The following DAB1 variants were observed in gnomAD, a reference collection of about 807,000 sequenced individuals.
DAB1 encodes the protein disabled homolog 1.
A neutral mutation model predicts 64.6 loss-of-function variants in DAB1; 15 were observed. That is an observed-to-expected ratio of 0.23 (90% CI 0.16 to 0.36). DAB1 has a LOEUF of 0.36. Ranked by LOEUF, DAB1 falls within the 10% of genes least tolerant of loss-of-function variation. DAB1 has a pLI of 1.00. For synonymous variants in DAB1, 235 were observed against 251.9 expected (o/e 0.93, Z 0.64); for missense variants, 596 against 706.7 (o/e 0.84, Z 1.78).
chr1:58,203,955 C>T (rs1232078180), intron 4 of DAB1, among the ~76,000 whole-genome samples: 2 of 152,182 alleles, frequency 1.3e-5, no homozygotes, highest in Non-Finnish European at 2.9e-5. Flanking sequence ...AGCATGCATA[C>T]AGAAGGCATT....
chr1:57,672,552 G>A (rs1023296891), intron 6 of DAB1, among the ~76,000 whole-genome samples: 6 of 152,178 alleles, frequency 3.9e-5, no homozygotes, highest in South Asian at 4.1e-4. Flanking sequence ...AGCTCATTCC[G>A]CATCAATGAA....
intron 2 of DAB1, among the ~76,000 whole-genome samples, chr1:57,279,906 A>C (rs1256735878): frequency 6.6e-6 from 1 of 152,178 alleles, no homozygotes; most frequent in Non-Finnish European, 1.5e-5. Flanking sequence ...ATATTTTATC[A>C]TCATTCCCTC....
At chr1:57,851,728 A>G (rs72666118) in intron 1 of DAB1, among the ~76,000 whole-genome samples, 10,860 of 152,208 alleles carry the variant, frequency 0.071, 622 homozygotes, top group Admixed American at 0.2. Context: ...ATGTTCTCCC[A>G]GTGCTGGTGG....
At chr1:57,241,413 C>G (rs72903213) in intron 2 of DAB1, among the ~76,000 whole-genome samples, 2,471 of 152,238 alleles carry the variant, frequency 0.016, 57 homozygotes, top group African/African-American at 0.055. Flanking sequence ...GTATAAAACA[C>G]CCAGGTTTCA....
chr1:57,556,230 T>C (rs534577972), intron 7 of DAB1, among the ~76,000 whole-genome samples: 1 of 152,332 alleles, frequency 6.6e-6, no homozygotes, highest in African/African-American at 2.4e-5. Context: ...ATTGTGCTGC[T>C]GTAAACATGT....
intron 3 of DAB1, among the ~76,000 whole-genome samples, chr1:58,493,869 T>A (rs1383245427): frequency 1.3e-5 from 2 of 151,454 alleles, no homozygotes; most frequent in Non-Finnish European, 1.5e-5. Flanking sequence ...TTCAATGCCA[T>A]CCCCATCAAG....
At chr1:57,684,924 CAAA>C (rs955080447) in intron 6 of DAB1, among the ~76,000 whole-genome samples, 5 of 150,216 alleles carry the variant, frequency 3.3e-5, no homozygotes, top group African/African-American at 1.2e-4. Flanking sequence ...AAATGGAAAA[CAAA>C]AAAACAGCAG....
At chr1:58,101,837 G>A (rs1162490607) in intron 5 of DAB1, among the ~76,000 whole-genome samples, 1 of 152,136 alleles carries the variant, frequency 6.6e-6, no homozygotes, top group Non-Finnish European at 1.5e-5. Context: ...GGGAGTTGAA[G>A]GCCTAAGGTC....
At position 57,779,841 on chromosome 1, in the gene DAB1, T is replaced by C. The variant is rs186624548; in HGVS notation, n.551+104158A>G. 1.6e-3 allele frequency among the ~76,000 whole-genome samples: 236 copies of C among 152,240 alleles called. 2 individuals carry two copies. The highest frequency in any genetic ancestry group is 1.9e-3 in the Non-Finnish European group (131 of 68,008). On this transcript the variant is annotated intron_variant and non_coding_transcript_variant, in intron 6 of 20. Coordinates refer to the DAB1 transcript ENST00000485760. ...CCCACAGACAGTTCCCCCATCACAC[T>C]TTACCTCTCCAGTTTTTCCATGGAT... is the stretch of plus-strand genomic sequence containing the variant.
chr1:57,536,576 C>T (rs1420868107), intron 7 of DAB1, among the ~76,000 whole-genome samples: 1 of 150,384 alleles, frequency 6.6e-6, no homozygotes, highest in Non-Finnish European at 1.5e-5. Context: ...ACCAATAAAC[C>T]TAATACACGT....
At chr1:57,142,987 T>C (rs1343737981) in intron 3 of DAB1, among the ~76,000 whole-genome samples, 1 of 152,222 alleles carries the variant, frequency 6.6e-6, no homozygotes, top group Admixed American at 6.5e-5. Flanking sequence ...ATCAAGATCT[T>C]GGCCCTTATC....
intron 5 of DAB1, among the ~76,000 whole-genome samples, chr1:57,993,572 G>A (rs1445176496): frequency 6.6e-6 from 1 of 152,140 alleles, no homozygotes; most frequent in African/African-American, 2.4e-5. Context: ...TCAGTACACT[G>A]GTACCCGCTG....
intron 3 of DAB1, among the ~76,000 whole-genome samples, chr1:58,474,401 GA>G (rs530342684): frequency 5.0e-4 from 72 of 144,140 alleles, no homozygotes; most frequent in South Asian, 1.3e-3. Context: ...TAAAAGTAAT[GA>G]AAAAAAAAAA....
At chr1:58,119,687 A>C (rs1355504604) in intron 5 of DAB1, among the ~76,000 whole-genome samples, 1 of 152,178 alleles carries the variant, frequency 6.6e-6, no homozygotes, top group African/African-American at 2.4e-5. Context: ...AGAAATAGCC[A>C]GAGCTGCCCC....
chr1:57,122,811 G>A (rs1013987171), intron 4 of DAB1, among the ~76,000 whole-genome samples: 2 of 152,020 alleles, frequency 1.3e-5, no homozygotes, highest in African/African-American at 4.8e-5. Flanking sequence ...AATATTTGTG[G>A]AAAGCTAACT....
At chr1:57,326,596 C>T (rs1161620798) in intron 1 of DAB1, among the ~76,000 whole-genome samples, 2 of 152,142 alleles carry the variant, frequency 1.3e-5, no homozygotes, top group African/African-American at 4.8e-5. Flanking sequence ...GCTTAAACAA[C>T]AGAAATTTAT....
intron 3 of DAB1, among the ~76,000 whole-genome samples, chr1:58,446,534 T>TG (rs1256991531): frequency 6.6e-6 from 1 of 152,102 alleles, no homozygotes; most frequent in Non-Finnish European, 1.5e-5. Flanking sequence ...TCAAAAGGGC[T>TG]GGGGGTGGGG....
In DAB1 at chr1:57,489,478, C is replaced by G. The variant is rs143675775; in HGVS notation, n.625+160114G>C. Among the ~76,000 whole-genome samples, 141 of 152,264 alleles carry G rather than the reference C, an allele frequency of 9.3e-4. 1 individual carries two copies. The highest frequency in any genetic ancestry group is 6.8e-3 in the Middle Eastern group (2 of 294). ...GTCTTTAAAACTGTCTTCAAAAGAT[C>G]CATTCTCAATTCCCTAACCCTCCAG... is the stretch of plus-strand genomic sequence containing the variant. On this transcript the variant is annotated intron_variant and non_coding_transcript_variant, in intron 7 of 20. Transcript: ENST00000485760.
chr1:57,228,603 C>T (rs187355930), intron 2 of DAB1, among the ~76,000 whole-genome samples: 24 of 152,044 alleles, frequency 1.6e-4, no homozygotes, highest in South Asian at 4.1e-4. Flanking sequence ...TTACATGGAG[C>T]GTAGGAAACA....
Sources: gnomAD v4.1 joint callset for allele counts (sites outside exome capture counted in the v4.1 genomes callset) on GRCh38, gnomAD v4.1.1 for gene constraint, MANE v1.5 for transcripts, NCBI Gene and HGNC (gene_info 2026-07-23, HGNC 2026-07-21) for gene names.